Variants in ANK1 observed in about 807,000 individuals in gnomAD.
ANK1 encodes the protein ankyrin-1.
A neutral mutation model predicts 210.4 loss-of-function variants in ANK1; 51 were observed. The observed-to-expected ratio is 0.24, with a 90% CI of 0.19 to 0.31. The LOEUF is 0.31. ANK1 is among the 10% of genes least tolerant of loss of function. The probability of loss-of-function intolerance (pLI) is 1.00; values close to 1 mark genes in which losing one functional copy is unlikely to be tolerated. For missense variants in ANK1, 2,051 were observed against 2,504.4 expected (o/e 0.82, Z 3.86); for synonymous variants, 967 against 1,025.9 (o/e 0.94, Z 1.10).
chr8:41,803,031 A>G (rs1316275181), intron 1 of ANK1, among the ~76,000 whole-genome samples: 1 of 97,120 alleles, frequency 1.0e-5, no homozygotes, highest in African/African-American at 4.6e-5. Context: ...GAAAGAAAGA[A>G]AGAAAGAAAG....
intron 37 of ANK1, among the ~76,000 whole-genome samples, chr8:41,681,431 G>A (rs1052352870): frequency 6.6e-6 from 1 of 152,246 alleles, no homozygotes; most frequent in African/African-American, 2.4e-5. Flanking sequence ...TGGCCTTTTG[G>A]CCTGAGCCCC....
intron 40 of ANK1, among the ~76,000 whole-genome samples, chr8:41,662,218 C>A (rs1165414542): frequency 6.6e-6 from 1 of 151,646 alleles, no homozygotes; most frequent in Non-Finnish European, 1.5e-5. Flanking sequence ...GATTGCATCA[C>A]TGCACTCCAG....
At chr8:41,842,347 G>C (rs1042302435) in intron 1 of ANK1, among the ~76,000 whole-genome samples, 1 of 152,146 alleles carries the variant, frequency 6.6e-6, no homozygotes, top group African/African-American at 2.4e-5. Flanking sequence ...CAAAAAATTA[G>C]CTGGGCGTGG....
At chr8:41,709,037 C>T in intron 16 of ANK1, 62 bp from the exon 17 acceptor site, 1 of 1,599,838 alleles carries the variant, frequency 6.3e-7, no homozygotes, top group Non-Finnish European at 8.5e-7. Context: ...AATATCAACA[C>T]ACAAGCAGGG....
At chr8:41,666,907 A>G (rs28591316) in intron 39 of ANK1, among the ~76,000 whole-genome samples, 34,467 of 152,098 alleles carry the variant, frequency 0.23, 4,038 homozygotes, top group Middle Eastern at 0.29. Flanking sequence ...CCTCTGGTCC[A>G]CAGTGCCCTC....
At chr8:41,811,159 T>C (rs1802424929) in intron 1 of ANK1, among the ~76,000 whole-genome samples, 1 of 152,214 alleles carries the variant, frequency 6.6e-6, no homozygotes, top group Non-Finnish European at 1.5e-5. Flanking sequence ...ATTGTTTAAC[T>C]CTGCCTATCC....
chr8:41,763,889 C>CTTTTTTTGT (rs1841109037), intron 1 of ANK1, among the ~76,000 whole-genome samples: 1 of 57,808 alleles, frequency 1.7e-5, no homozygotes, highest in African/African-American at 7.0e-5. Flanking sequence ...TTCTTTTTTT[C>CTTTTTTTGT]TTTTTTTTTT....
chr8:41,704,233 C>A lies in ANK1; in HGVS notation c.2197-94G>T. ...GTGCCTGCCCATCTTCGAAGTGGGA[C>A]ATTAATGAAATGCATTTTCCCCCTT... On this transcript the variant is annotated intron_variant, in intron 19 of 42. Transcript: ENST00000289734. The surrounding 1 kb of genome is among the most constrained non-coding windows in gnomAD (Gnocchi z 4.1). 1 of 1,374,672 alleles carries A rather than the reference C, an allele frequency of 7.3e-7. No homozygotes were observed. 85.2% of individuals were successfully genotyped at this position (1,374,672 alleles called of 1,614,324 possible).
chr8:41,837,929 C>G (rs1200062521), intron 1 of ANK1, among the ~76,000 whole-genome samples: 22 of 152,164 alleles, frequency 1.4e-4, no homozygotes, highest in Non-Finnish European at 2.9e-4. Flanking sequence ...GCTCATTCAC[C>G]TGAATGGCCA....
chr8:41,742,870 T>A (rs1835124367), intron 2 of ANK1, among the ~76,000 whole-genome samples: 2 of 152,182 alleles, frequency 1.3e-5, no homozygotes. Context: ...AGGCAGAAGA[T>A]CTTGCCTGTG....
At chr8:41,747,825 C>T (rs1383686045) in intron 2 of ANK1, among the ~76,000 whole-genome samples, 1 of 152,190 alleles carries the variant, frequency 6.6e-6, no homozygotes. Flanking sequence ...TGGAATGTCC[C>T]TGCTGTGACT....
intron 1 of ANK1, among the ~76,000 whole-genome samples, chr8:41,886,514 G>C (rs1818464373): frequency 6.6e-6 from 1 of 152,152 alleles, no homozygotes. Context: ...TGATGCTCTG[G>C]CCCCCTTGCC....
At chr8:41,699,145 GA>G (rs538283506) in intron 23 of ANK1, among the ~76,000 whole-genome samples, 231 of 152,280 alleles carry the variant, frequency 1.5e-3, no homozygotes, top group Admixed American at 3.5e-3. Flanking sequence ...ATAAGAGGGA[GA>G]GGGGGTGTGG....
At chr8:41,673,149 G>A (rs984183948) in intron 37 of ANK1, among the ~76,000 whole-genome samples, 11 of 152,156 alleles carry the variant, frequency 7.2e-5, no homozygotes, top group African/African-American at 2.7e-4. Flanking sequence ...GGGCAGCCAG[G>A]GTGTGAGGCA....
Position 41,723,464 on chromosome 8 carries a change from C to T in ANK1, c.810+71G>A. 2.6e-6 allele frequency: 4 copies of T among 1,559,418 alleles called. No homozygotes were observed. In the South Asian group the frequency reaches 3.3e-5, roughly 13 times the overall value. ...CCCTAACTAGGTCACCAAGGGCCCGCTGCTCTGGGTGAGGCTTGTGAGGGG... is the reference window on the plus strand; with the variant it reads ...CCCTAACTAGGTCACCAAGGGCCCGTTGCTCTGGGTGAGGCTTGTGAGGGG... On this transcript the variant is annotated intron_variant, in intron 8 of 42. Coordinates refer to ENST00000289734, the MANE Select transcript of ANK1 (RefSeq NM_000037.4).
At chr8:41,668,991 C>G (rs1476772657) in intron 38 of ANK1, among the ~76,000 whole-genome samples, 1 of 152,032 alleles carries the variant, frequency 6.6e-6, no homozygotes, top group Non-Finnish European at 1.5e-5. Flanking sequence ...TTCTCTCCCC[C>G]TCAAGACACA....
At chr8:41,716,104 C>T (rs1827601047) in intron 13 of ANK1, among the ~76,000 whole-genome samples, 1 of 152,202 alleles carries the variant, frequency 6.6e-6, no homozygotes, top group Admixed American at 6.5e-5. Flanking sequence ...AGGCCCAGCC[C>T]TCCCATCTGT....
chr8:41,878,837 C>T (rs1036638264), intron 1 of ANK1, among the ~76,000 whole-genome samples: 4 of 152,042 alleles, frequency 2.6e-5, no homozygotes, highest in Admixed American at 6.5e-5. Flanking sequence ...CCGAGGCAGG[C>T]GGATCACTTG....
At chr8:41,721,564 C>T (rs575528441) in intron 9 of ANK1, among the ~76,000 whole-genome samples, 5 of 148,512 alleles carry the variant, frequency 3.4e-5, no homozygotes, top group African/African-American at 5.0e-5. Context: ...AGCTGAGGCA[C>T]GAGAATCGAT....
Sources: allele counts gnomAD v4.1 joint callset (sites outside exome capture counted in the v4.1 genomes callset), GRCh38; gene constraint gnomAD v4.1.1; non-coding constraint Gnocchi (gnomAD v3.1); transcripts MANE v1.5; gene names NCBI Gene and HGNC (gene_info 2026-07-23, HGNC 2026-07-21).